The following TBC1D4 variants were observed in gnomAD, a reference collection of about 807,000 sequenced individuals.
TBC1D4 encodes TBC1 domain family member 4, also known as TBC (Tre-2, BUB2, CDC16) domain-containing protein.
Under a neutral mutation model 142.5 loss-of-function variants are expected in TBC1D4, and 121 were observed. The observed-to-expected ratio is 0.85, with a 90% CI of 0.73 to 0.99. TBC1D4 has a LOEUF of 0.99. Among genes scored for constraint, TBC1D4 ranks in the 50% least tolerant of loss-of-function variants. The probability of loss-of-function intolerance (pLI) is 0.00; values close to 1 mark genes in which losing one functional copy is unlikely to be tolerated. For synonymous variants in TBC1D4, 630 were observed against 628.2 expected (o/e 1.00, Z -0.04); for missense variants, 1,475 against 1,606.6 (o/e 0.92, Z 1.40).
At chr13:75,336,400 A>T (rs1318546136) in intron 8 of TBC1D4, among the ~76,000 whole-genome samples, 7 of 141,938 alleles carry the variant, frequency 4.9e-5, no homozygotes, top group East Asian at 2.1e-4. Flanking sequence ...CGTCTCAAGG[A>T]AAAAAAAAAA....
At chr13:75,333,054 T>C (rs1342271701) in intron 8 of TBC1D4, among the ~76,000 whole-genome samples, 2 of 152,224 alleles carry the variant, frequency 1.3e-5, no homozygotes, top group East Asian at 3.9e-4. Flanking sequence ...CAATGGTTAA[T>C]TCAAAGTTCC....
chr13:75,481,078 C>A (rs1888842776), intron 1 of TBC1D4, among the ~76,000 whole-genome samples, 192 bp downstream of exon 1: 1 of 152,196 alleles, frequency 6.6e-6, no homozygotes, highest in South Asian at 2.1e-4. Flanking sequence ...CTCGCCCAGC[C>A]CCCGAACGCC....
At chr13:75,321,411 G>T (rs1175838057) in intron 11 of TBC1D4, among the ~76,000 whole-genome samples, 1 of 150,544 alleles carries the variant, frequency 6.6e-6, no homozygotes, top group Non-Finnish European at 1.5e-5. Context: ...AAATGGCTTA[G>T]AATGAGGAAA....
At chr13:75,468,868 A>G (rs534173585) in intron 1 of TBC1D4, among the ~76,000 whole-genome samples, 81 of 152,300 alleles carry the variant, frequency 5.3e-4, no homozygotes, top group Non-Finnish European at 9.6e-4. Flanking sequence ...TGGGCACACA[A>G]CCATGTGCAG....
intron 4 of TBC1D4, among the ~76,000 whole-genome samples, chr13:75,355,011 T>C (rs1037023584): frequency 6.6e-6 from 1 of 152,166 alleles, no homozygotes; most frequent in African/African-American, 2.4e-5. Context: ...GTGTTAGTGA[T>C]GGGAGTTTTC....
intron 1 of TBC1D4, among the ~76,000 whole-genome samples, chr13:75,380,120 C>T (rs1883744432): frequency 6.6e-6 from 1 of 151,130 alleles, no homozygotes; most frequent in South Asian, 2.1e-4. Flanking sequence ...CTCAAGTGAT[C>T]CACCCGCCTC....
intron 16 of TBC1D4, among the ~76,000 whole-genome samples, chr13:75,300,341 GA>G (rs1423033252): frequency 8.6e-5 from 13 of 151,922 alleles, no homozygotes; most frequent in Non-Finnish European, 1.3e-4. Context: ...TCTATACACA[GA>G]AACAAATCCG....
intron 1 of TBC1D4, among the ~76,000 whole-genome samples, chr13:75,381,077 G>A (rs1322182890): frequency 6.6e-6 from 1 of 152,094 alleles, no homozygotes; most frequent in Non-Finnish European, 1.5e-5. Flanking sequence ...AAAACTGTGA[G>A]AATAAAGTTT....
intron 1 of TBC1D4, among the ~76,000 whole-genome samples, chr13:75,389,126 A>G (rs1046754859): frequency 6.6e-6 from 1 of 152,222 alleles, no homozygotes; most frequent in African/African-American, 2.4e-5. Context: ...CTGGGTTCAA[A>G]TTTTTTGCAT....
chr13:75,403,650 AT>A (rs1222249637), intron 1 of TBC1D4, among the ~76,000 whole-genome samples: 15 of 152,200 alleles, frequency 9.9e-5, no homozygotes, highest in Middle Eastern at 3.2e-3. Flanking sequence ...ATTAGTTTTT[AT>A]CTTAATAAAT....
chr13:75,436,792 C>G (rs1418236787), intron 1 of TBC1D4, among the ~76,000 whole-genome samples: 2 of 152,072 alleles, frequency 1.3e-5, no homozygotes, highest in African/African-American at 4.8e-5. Context: ...TATTAATTGA[C>G]AAGTAAAAAA....
intron 4 of TBC1D4, among the ~76,000 whole-genome samples, chr13:75,352,391 C>CT (rs201963484): frequency 3.1e-3 from 466 of 151,086 alleles, no homozygotes; most frequent in African/African-American, 0.011. Flanking sequence ...GGGTCTTTTT[C>CT]TTTTTTTTTC....
chr13:75,475,714 G>T (rs1888605516), intron 1 of TBC1D4, among the ~76,000 whole-genome samples: 1 of 152,226 alleles, frequency 6.6e-6, no homozygotes, highest in Admixed American at 6.5e-5. Context: ...AAAAGGGCAT[G>T]TGAACAGTCT....
In TBC1D4 at chr13:75,417,235, T is replaced by G. The variant is rs9600466; in HGVS notation, c.499-54628A>C. ...GCTGAAATGGGGCTCACAGCACAAC[T>G]GCCACTTGCCCTAGACACGTCACCT... On this transcript the variant is annotated intron_variant, in intron 1 of 20. Coordinates refer to ENST00000377636, the MANE Select transcript of TBC1D4 (RefSeq NM_014832.5). 3.9e-3 allele frequency among the ~76,000 whole-genome samples: 589 copies of G among 152,238 alleles called. 7 individuals are homozygous for G. The highest frequency in any genetic ancestry group is 0.012 in the African/African-American group (517 of 41,548).
At chr13:75,348,002 G>A (rs569521109) in intron 5 of TBC1D4, among the ~76,000 whole-genome samples, 1 of 152,252 alleles carries the variant, frequency 6.6e-6, no homozygotes, top group East Asian at 1.9e-4. Flanking sequence ...TTAGCTGGGT[G>A]TGGTGGCACA....
intron 1 of TBC1D4, among the ~76,000 whole-genome samples, chr13:75,460,494 G>A (rs1887922387): frequency 6.6e-6 from 1 of 152,030 alleles, no homozygotes; most frequent in Non-Finnish European, 1.5e-5. Context: ...AAGGCCAGGT[G>A]GGCACGAGGA....
Position 75,359,782 on chromosome 13 carries a change from G to A in TBC1D4, c.1157C>T (p.Ser386Phe), listed in dbSNP as rs1246917042. Residue 386 changes from serine (S) to phenylalanine (F), a missense_variant, in exon 3 of 21, where the codon TCC (serine) becomes TTC (phenylalanine). Transcript: ENST00000377636. The part of the protein sequence containing the change: ...VVLEKNFKDI[S>F]SCSQGIKHVD... ...TTTGATACATACCTGAGAACAAGAG[G>A]AGATATCTTTAAAATTCTTTTCTAG... 6 of 1,611,552 alleles carry A rather than the reference G, an allele frequency of 3.7e-6. No homozygotes were observed. The highest frequency in any genetic ancestry group is 2.7e-5 in the African/African-American group (2 of 74,846).
At chr13:75,311,111 G>T (rs1877705739) in intron 13 of TBC1D4, among the ~76,000 whole-genome samples, 1 of 152,102 alleles carries the variant, frequency 6.6e-6, no homozygotes, top group Admixed American at 6.5e-5. Flanking sequence ...CATTTCAATG[G>T]TTGCTTATAT....
intron 12 of TBC1D4, among the ~76,000 whole-genome samples, chr13:75,315,427 T>TATATATATATATACAC (rs1566370522): frequency 1.7e-3 from 36 of 21,630 alleles, no homozygotes; most frequent in Non-Finnish European, 0.011. Context: ...TACACACACA[T>TATATATATATATACAC]ATATATATAT....
Sources: gnomAD v4.1 joint callset for allele counts (sites outside exome capture counted in the v4.1 genomes callset) on GRCh38, gnomAD v4.1.1 for gene constraint, MANE v1.5 for transcripts, NCBI Gene and HGNC (gene_info 2026-07-23, HGNC 2026-07-21) for gene names.